NCOA6: variants seen among roughly 807,000 people sequenced by gnomAD.
The protein encoded by NCOA6 is nuclear receptor coactivator 6.
NCOA6 carries 49 observed loss-of-function variants against 171.4 expected under a neutral mutation model. That is an observed-to-expected ratio of 0.29 (90% CI 0.23 to 0.36). NCOA6 has a LOEUF of 0.36. Ranked by LOEUF, NCOA6 falls within the 10% of genes least tolerant of loss-of-function variation. NCOA6 has a pLI of 1.00. For synonymous variants in NCOA6, 910 were observed against 927.5 expected (o/e 0.98, Z 0.34); for missense variants, 2,248 against 2,554.5 (o/e 0.88, Z 2.59).
At chr20:34,809,345 CA>C (rs1431858741) in intron 1 of NCOA6, 5 of 395,932 alleles carry the variant, frequency 1.3e-5, no homozygotes, top group Non-Finnish European at 2.2e-5. Flanking sequence ...ACATTAGGAT[CA>C]AAATGCCTCC....
At chr20:34,808,529 C>T (rs1302874816) in intron 1 of NCOA6, among the ~76,000 whole-genome samples, 3 of 150,866 alleles carry the variant, frequency 2.0e-5, no homozygotes, top group Non-Finnish European at 4.4e-5. Flanking sequence ...ACCTCTGCCT[C>T]CCGGATTCAA....
chr20:34,738,772 A>T (rs2076036920), intron 11 of NCOA6: 6 of 416,604 alleles, frequency 1.4e-5, no homozygotes, highest in South Asian at 6.4e-5. Context: ...TCCATTTTAC[A>T]AGTGAAATAC....
intron 1 of NCOA6, among the ~76,000 whole-genome samples, chr20:34,817,434 T>C (rs1286729318): frequency 6.6e-6 from 1 of 152,060 alleles, no homozygotes; most frequent in Admixed American, 6.6e-5. Context: ...AGTAAAGGTA[T>C]GGTCCTGGCC....
intron 1 of NCOA6, among the ~76,000 whole-genome samples, chr20:34,810,784 T>C (rs570247253): frequency 6.6e-6 from 1 of 152,180 alleles, no homozygotes; most frequent in Non-Finnish European, 1.5e-5. Flanking sequence ...GACCTTGTGA[T>C]CTGCCCACCT....
At chr20:34,809,930 T>G (rs2078597548) in intron 1 of NCOA6, among the ~76,000 whole-genome samples, 1 of 152,092 alleles carries the variant, frequency 6.6e-6, no homozygotes, top group East Asian at 1.9e-4. Context: ...ATTGCACCAC[T>G]GCACTCCAGC....
At chr20:34,813,177 A>G (rs913557698) in intron 1 of NCOA6, among the ~76,000 whole-genome samples, 4 of 151,200 alleles carry the variant, frequency 2.6e-5, no homozygotes, top group African/African-American at 7.3e-5. Context: ...AAAAAAACAA[A>G]AAAATAGGCT....
chr20:34,820,983 T>G (rs888320707), intron 1 of NCOA6: 1 of 152,164 alleles, frequency 6.6e-6, no homozygotes, highest in Non-Finnish European at 1.5e-5. Context: ...TCCAGAACAA[T>G]AGACCTTGCC....
chr20:34,802,806 C>A (rs1186900460), intron 1 of NCOA6, among the ~76,000 whole-genome samples: 1 of 152,044 alleles, frequency 6.6e-6, no homozygotes, highest in African/African-American at 2.4e-5. Flanking sequence ...TTGAGAGTTA[C>A]ACATTTTTGT....
chr20:34,727,657 A>T (rs959441603), intron 13 of NCOA6, among the ~76,000 whole-genome samples: 1 of 152,142 alleles, frequency 6.6e-6, no homozygotes, highest in Admixed American at 6.5e-5. Flanking sequence ...AATTGTAGAA[A>T]AACTGGTAAA....
chr20:34,800,136 T>C (rs71349777), intron 1 of NCOA6, among the ~76,000 whole-genome samples: 1 of 152,296 alleles, frequency 6.6e-6, no homozygotes, highest in African/African-American at 2.4e-5. Context: ...TCTCTTTGTT[T>C]ATGCAATCAG....
At chr20:34,786,840 G>A (rs1159983144) in intron 2 of NCOA6, among the ~76,000 whole-genome samples, 1 of 152,044 alleles carries the variant, frequency 6.6e-6, no homozygotes, top group Admixed American at 6.6e-5. Flanking sequence ...ATGGATTAAA[G>A]ACTTAAATGT....
At position 34,740,879 on chromosome 20, in the gene NCOA6, C is replaced by T. The variant is rs781260634; in HGVS notation, c.5377G>A (p.Val1793Ile). 6.2e-7 allele frequency: 1 copy of T among 1,614,160 alleles called. No homozygotes were observed. The highest frequency in any genetic ancestry group is 8.5e-7 in the Non-Finnish European group (1 of 1,180,044). ...TLPSSQSTTM[V>I]SPLLTNSPGS... Reference sequence around the variant, plus strand: ...GGACTATTGGTCAAAAGGGGAGAAACCATTGTGGTTGACTGTGAAGAGGGA... The same window carrying T: ...GGACTATTGGTCAAAAGGGGAGAAATCATTGTGGTTGACTGTGAAGAGGGA... Residue 1793 changes from valine (V) to isoleucine (I), a missense_variant, in exon 11 of 15, where the codon GTT becomes ATT. Physicochemically the swap from Val to Ile is conservative, Grantham distance 29. Coordinates refer to ENST00000359003, the MANE Select transcript of NCOA6 (RefSeq NM_014071.5).
At chr20:34,824,453 A>G (rs1298992141) in intron 1 of NCOA6, among the ~76,000 whole-genome samples, 1 of 152,042 alleles carries the variant, frequency 6.6e-6, no homozygotes, top group Non-Finnish European at 1.5e-5. Context: ...CTTCTTCACC[A>G]TTTTACTGGC....
intron 13 of NCOA6, among the ~76,000 whole-genome samples, chr20:34,730,879 T>C (rs1433730334): frequency 6.6e-6 from 1 of 151,778 alleles, no homozygotes; most frequent in Non-Finnish European, 1.5e-5. Flanking sequence ...TATGCCCAGC[T>C]AATTTTTTGT....
intron 12 of NCOA6, 33 bp downstream of exon 12, chr20:34,736,657 C>T: frequency 1.3e-6 from 2 of 1,568,616 alleles, no homozygotes; most frequent in Non-Finnish European, 1.7e-6. Context: ...TAACCCATCC[C>T]ACTCCAAGAA....
At position 34,758,074 on chromosome 20, in the gene NCOA6, T is replaced by C; in HGVS notation, c.674A>G (p.His225Arg). 1 of 1,613,558 alleles carries C rather than the reference T, an allele frequency of 6.2e-7. No homozygotes were observed. ...DAMDPLLSGL[H>R]IQQQSHPSGS... ...TGAGGGATGACTTTGCTGCTGTATA[T>C]GGAGCCCAGAGAGGAGTGGATCCAT... is the stretch of plus-strand genomic sequence containing the variant. The change falls in exon 7 of 15, where the codon CAT (histidine) becomes CGT (arginine). Residue 225 changes from histidine to arginine, a missense_variant. His to Arg is a conservative substitution (Grantham distance 29). Coordinates refer to ENST00000359003, the MANE Select transcript of NCOA6 (RefSeq NM_014071.5).
At chr20:34,736,035 T>TTCCC (rs2075947448) in intron 12 of NCOA6, among the ~76,000 whole-genome samples, 1 of 152,072 alleles carries the variant, frequency 6.6e-6, no homozygotes, top group Non-Finnish European at 1.5e-5. Flanking sequence ...GCCTCCATAG[T>TTCCC]CTATAAAGGC....
At chr20:34,764,522 C>T (rs937613955) in intron 5 of NCOA6, among the ~76,000 whole-genome samples, 2 of 151,672 alleles carry the variant, frequency 1.3e-5, no homozygotes, top group African/African-American at 4.8e-5. Flanking sequence ...GGTGAAACTA[C>T]TAAAAATACA....
rs1038247487 is a variant in NCOA6 at position 34,825,510 on chromosome 20, C to A, written c.-202G>T. On this transcript the variant is annotated 5_prime_UTR_variant, in exon 1 of 15. Transcript: ENST00000359003. ...CGGCCCTCCCGGGCGGGCCTTGGAG[C>A]GCCGGCCCGGGCCGTGCGTGCCCGC... 1 of 148,350 alleles carries A rather than the reference C, an allele frequency of 6.7e-6. No homozygotes were observed. The highest frequency in any genetic ancestry group is 1.5e-5 in the Non-Finnish European group (1 of 66,672). The allele number at this position is 148,350 out of a possible 1,614,324, so 9.2% of individuals were successfully genotyped here.
Sources: gnomAD v4.1 joint callset for allele counts (sites outside exome capture counted in the v4.1 genomes callset) on GRCh38, gnomAD v4.1.1 for gene constraint, MANE v1.5 for transcripts, NCBI Gene and HGNC (gene_info 2026-07-23, HGNC 2026-07-21) for gene names.